Variants in CDH22 observed in about 807,000 individuals in gnomAD.
CDH22 encodes the protein cadherin-22.
In CDH22, 30 loss-of-function variants were observed where a neutral mutation model predicts 58.4. The ratio of observed to expected loss-of-function variants is 0.51; its 90% CI spans 0.38 to 0.70. The LOEUF is 0.70. Ranked by LOEUF, CDH22 falls within the 30% of genes least tolerant of loss-of-function variation. The pLI is 0.00. For missense variants in CDH22, 1,014 were observed against 1,233.9 expected, an observed-to-expected ratio of 0.82 and a Z score of 2.67; for synonymous variants, 513 against 558.2, an observed-to-expected ratio of 0.92 and a Z score of 1.14.
At chr20:46,231,028 G>GGCAGA (rs2145715817) in intron 3 of CDH22, among the ~76,000 whole-genome samples, 1 of 152,264 alleles carries the variant, frequency 6.6e-6, no homozygotes, top group South Asian at 2.1e-4. Flanking sequence ...GGAGCAGGGG[G>GGCAGA]GCAGAGGAGG....
At chr20:46,181,752 C>CTTTCTTTCTTTCTTTCTTTCTTTCTTTCT (rs1555800218) in intron 10 of CDH22, among the ~76,000 whole-genome samples, 14 of 26,264 alleles carry the variant, frequency 5.3e-4, no homozygotes, top group East Asian at 1.0e-3. Flanking sequence ...TCCTTCCTTC[C>CTTTCTTTCTTTCTTTCTTTCTTTCTTTCT]TTCTTTCTTT....
chr20:46,286,178 C>T (rs969272433), intron 1 of CDH22, among the ~76,000 whole-genome samples: 3 of 152,118 alleles, frequency 2.0e-5, no homozygotes, highest in African/African-American at 7.2e-5. Context: ...CCTGTCAACC[C>T]TGGAAGGCAG....
intron 1 of CDH22, among the ~76,000 whole-genome samples, chr20:46,254,127 C>T (rs901480478): frequency 3.3e-5 from 5 of 152,222 alleles, no homozygotes; most frequent in Admixed American, 1.3e-4. Context: ...CAGCAAGATG[C>T]AATCAGTTAT....
chr20:46,243,210 T>C (rs1366493311), intron 2 of CDH22, among the ~76,000 whole-genome samples: 2 of 152,236 alleles, frequency 1.3e-5, no homozygotes, highest in Non-Finnish European at 2.9e-5. Flanking sequence ...GCCCATCCCC[T>C]GCCACGCAGG....
At chr20:46,282,317 A>T (rs552712520) in intron 1 of CDH22, among the ~76,000 whole-genome samples, 1 of 152,080 alleles carries the variant, frequency 6.6e-6, no homozygotes. Context: ...AGCACTGGGG[A>T]GAAAGGGGTC....
chr20:46,186,508 C>T (rs1293072555), intron 10 of CDH22, 80 bp downstream of exon 10: 48 of 1,045,472 alleles, frequency 4.6e-5, no homozygotes, highest in Non-Finnish European at 6.4e-5. Context: ...TGGGCGCCTC[C>T]GTCCCTCTGT....
chr20:46,198,094 C>T (rs2085921291), intron 8 of CDH22, among the ~76,000 whole-genome samples: 1 of 152,060 alleles, frequency 6.6e-6, no homozygotes, highest in Non-Finnish European at 1.5e-5. Context: ...GGTAGAGAAG[C>T]TGGGAAAGCA....
Position 46,210,363 on chromosome 20 carries a change from G to A in CDH22, c.1230C>T (p.Gly410=). The A allele has an allele frequency of 1.4e-6, 2 of 1,474,242 alleles. No individual in the cohort carries two copies. Among genetic ancestry groups the A allele is most frequent in the Non-Finnish European group, 9.0e-7 (1 of 1,116,126 alleles). 91.3% of individuals were successfully genotyped at this position (1,474,242 alleles called of 1,614,324 possible). ...GCGCCGTCACCACGCCGACCAGGGA[G>A]CCCACCTGCGCGTCCTCCTGCACCT... is the stretch of plus-strand genomic sequence containing the variant. ...LLEVQEDAQV[G]SLVGVVTARD... The change falls in exon 7 of 12, where the codon GGC becomes GGT. Residue 410 remains glycine, a synonymous_variant. Transcript: ENST00000537909. The surrounding 1 kb of genome is among the most constrained non-coding windows in gnomAD (Gnocchi z 4.5).
chr20:46,211,337 G>A (rs955648805), intron 6 of CDH22, among the ~76,000 whole-genome samples: 1 of 152,244 alleles, frequency 6.6e-6, no homozygotes, highest in Non-Finnish European at 1.5e-5. Flanking sequence ...AGACTCACAG[G>A]CAGGTGCCTA....
chr20:46,193,720 T>C (rs1225611948), intron 8 of CDH22, among the ~76,000 whole-genome samples: 1 of 152,176 alleles, frequency 6.6e-6, no homozygotes. Flanking sequence ...GTTCTCAGAA[T>C]GGCCTCAGAC....
rs765115584 is a variant in CDH22, at chr20:46,227,647, C to T, written c.551-20G>A. 55 of 1,602,314 alleles carry T rather than the reference C, an allele frequency of 3.4e-5. No individual in the cohort carries two copies. The highest frequency in any genetic ancestry group is 1.6e-4 in the Middle Eastern group (1 of 6,066). ...ACGTGCCTGGGCCCGGGGGACCAAG[C>T]GAGACAGGGGTCATCTGGGGCTGCG... On this transcript the variant is annotated intron_variant, in intron 3 of 11. Transcript: ENST00000537909.
At chr20:46,177,384 C>G (rs938686767) in intron 11 of CDH22, among the ~76,000 whole-genome samples, 1 of 152,158 alleles carries the variant, frequency 6.6e-6, no homozygotes. Context: ...GGCCTGGTAC[C>G]AGTGTAGATT....
At chr20:46,236,230 G>A (rs76188811) in intron 3 of CDH22, among the ~76,000 whole-genome samples, 2 of 151,862 alleles carry the variant, frequency 1.3e-5, no homozygotes, top group African/African-American at 2.4e-5. Flanking sequence ...AGAAACGCTG[G>A]GGGGGACAAG....
chr20:46,290,828 G>C (rs1286759201), intron 1 of CDH22, among the ~76,000 whole-genome samples: 61 of 152,128 alleles, frequency 4.0e-4, no homozygotes, highest in Non-Finnish European at 1.5e-5. Flanking sequence ...GTTGCAGAGA[G>C]CCCAAGCAGG....
intron 1 of CDH22, among the ~76,000 whole-genome samples, chr20:46,298,746 T>C (rs1407782795): frequency 6.6e-6 from 1 of 152,074 alleles, no homozygotes; most frequent in Non-Finnish European, 1.5e-5. Flanking sequence ...ATCTCAATTT[T>C]CCCCTGCCTC....
rs1239942862 is a variant in CDH22 at position 46,210,743 on chromosome 20, A to T, written c.1033-183T>A. Among the ~76,000 whole-genome samples the T allele has an allele frequency of 7.2e-5, 11 of 152,058 alleles. No individual in the cohort carries two copies. The highest frequency in any genetic ancestry group is 1.3e-4 in the Admixed American group (2 of 15,284). On this transcript the variant is annotated intron_variant, in intron 6 of 11. Transcript: ENST00000537909. The surrounding 1 kb of genome is among the most constrained non-coding windows in gnomAD (Gnocchi z 4.5). ...CCAACCCGGTGGGTTACGGGTGGAG[A>T]AACTGAGGATCCTCGAGGACAGTCT...
At chr20:46,180,926 TTGTGTGTGTGTGTGTGTGTGTGTGTG>T (rs11471209) in intron 10 of CDH22, among the ~76,000 whole-genome samples, 1 of 142,494 alleles carries the variant, frequency 7.0e-6, no homozygotes, top group Non-Finnish European at 1.5e-5. Flanking sequence ...AAAGTTTGTT[TTGTGTGTGTGTGTGTGTGTGTGTGTG>T]TGTGTGTGTG....
In CDH22 at chr20:46,175,002, C is replaced by T. The variant is rs767118407; in HGVS notation, c.1991G>A (p.Arg664Gln). 8.1e-6 allele frequency: 13 copies of T among 1,608,992 alleles called. No individual in the cohort carries two copies. The highest frequency in any genetic ancestry group is 1.0e-5 in the Non-Finnish European group (12 of 1,179,558). Residue 664 changes from arginine to glutamine, a missense_variant, in exon 12 of 12, where the codon CGG becomes CAG. Arg to Gln is a conservative substitution (Grantham distance 43). Coordinates refer to ENST00000537909, the MANE Select transcript of CDH22 (RefSeq NM_021248.3). ...GTCGTTGTATTTGATGACGTTGTCC[C>T]GCATGTCTTCATCCTCGTCCGAGCT... ...HLSSDEDEDM[R>Q]DNVIKYNDEG...
chr20:46,277,322 T>A (rs970828292), intron 1 of CDH22, among the ~76,000 whole-genome samples: 1 of 152,116 alleles, frequency 6.6e-6, no homozygotes, highest in African/African-American at 2.4e-5. Context: ...TTGGCAGGGT[T>A]TACCTCTGGA....
Sources: gnomAD v4.1 joint callset for allele counts (sites outside exome capture counted in the v4.1 genomes callset) on GRCh38, gnomAD v4.1.1 for gene constraint, Gnocchi (gnomAD v3.1) non-coding constraint, MANE v1.5 for transcripts, NCBI Gene and HGNC (gene_info 2026-07-23, HGNC 2026-07-21) for gene names.